RBFOX1: variants seen among roughly 807,000 people sequenced by gnomAD.
RBFOX1 encodes the protein RNA binding protein fox-1 homolog 1.
A neutral mutation model predicts 57.7 loss-of-function variants in RBFOX1; 8 were observed. The ratio of observed to expected loss-of-function variants is 0.14; its 90% CI spans 0.08 to 0.25. RBFOX1 has a LOEUF of 0.25. Ranked by LOEUF, RBFOX1 falls within the 10% of genes least tolerant of loss-of-function variation. The pLI, the probability that RBFOX1 is intolerant of heterozygous loss-of-function variation, is 1.00. For synonymous variants in RBFOX1, 326 were observed against 222.4 expected (o/e 1.47, Z -4.15); for missense variants, 611 against 548.5 (o/e 1.11, Z -1.14).
intron 2 of RBFOX1, among the ~76,000 whole-genome samples, chr16:6,649,691 T>C (rs2098563180): frequency 6.6e-6 from 1 of 152,242 alleles, no homozygotes; most frequent in Non-Finnish European, 1.5e-5. Context: ...TGAATGCCAT[T>C]ATTTCATTCA....
intron 2 of RBFOX1, among the ~76,000 whole-genome samples, chr16:6,633,409 C>G (rs964101980): frequency 1.3e-5 from 2 of 152,134 alleles, no homozygotes; most frequent in African/African-American, 4.8e-5. Context: ...TCCCAAGTAG[C>G]TGGGACTACA....
At chr16:5,364,243 A>G (rs2065640746) in intron 1 of RBFOX1, among the ~76,000 whole-genome samples, 1 of 152,204 alleles carries the variant, frequency 6.6e-6, no homozygotes, top group Non-Finnish European at 1.5e-5. Flanking sequence ...TTTAACTTGG[A>G]TGTGTGCTGG....
chr16:7,412,286 G>C (rs1190857275), intron 4 of RBFOX1, among the ~76,000 whole-genome samples: 7 of 151,732 alleles, frequency 4.6e-5, no homozygotes, highest in African/African-American at 1.7e-4. Context: ...GTGGTGGCGT[G>C]TGCCTGTAAT....
At chr16:5,494,388 A>C (rs945011411) in intron 2 of RBFOX1, among the ~76,000 whole-genome samples, 1 of 152,192 alleles carries the variant, frequency 6.6e-6, no homozygotes, top group South Asian at 2.1e-4. Flanking sequence ...GAACGAGAAC[A>C]CTAAATAAGG....
At chr16:6,570,601 ATC>A (rs1255224853) in intron 2 of RBFOX1, among the ~76,000 whole-genome samples, 3 of 152,228 alleles carry the variant, frequency 2.0e-5, no homozygotes, top group African/African-American at 7.2e-5. Flanking sequence ...GTTTATCTGT[ATC>A]TCTAGCTTTT....
At chr16:5,960,944 C>T (rs1272398174) in intron 4 of RBFOX1, among the ~76,000 whole-genome samples, 1 of 152,152 alleles carries the variant, frequency 6.6e-6, no homozygotes, top group Non-Finnish European at 1.5e-5. Flanking sequence ...TGGTCAAAGG[C>T]TCCCTCCCAA....
At chr16:7,619,367 G>T (rs1374062630) in intron 10 of RBFOX1, among the ~76,000 whole-genome samples, 1 of 152,156 alleles carries the variant, frequency 6.6e-6, no homozygotes, top group Non-Finnish European at 1.5e-5. Context: ...AGCAGGGGAA[G>T]GGGCAGTGTG....
chr16:5,424,984 T>TTTC (rs200482050), intron 1 of RBFOX1, among the ~76,000 whole-genome samples: 27,810 of 67,966 alleles, frequency 0.41, 5,991 homozygotes, highest in East Asian at 0.48. Context: ...CTTTCTTTTC[T>TTTC]TTTCTTTTCT....
intron 4 of RBFOX1, among the ~76,000 whole-genome samples, chr16:7,478,096 A>C (rs2063120900): frequency 6.6e-6 from 1 of 152,240 alleles, no homozygotes; most frequent in Admixed American, 6.5e-5. Context: ...CCCGATGATT[A>C]AGGAGTGCAG....
intron 3 of RBFOX1, among the ~76,000 whole-genome samples, chr16:6,763,634 A>G (rs2076939152): frequency 1.3e-5 from 2 of 152,072 alleles, no homozygotes; most frequent in Admixed American, 6.6e-5. Context: ...CCAATTACGT[A>G]TTTCATTCTC....
chr16:6,978,251 G>C, intron 3 of RBFOX1, among the ~76,000 whole-genome samples: 1 of 152,156 alleles, frequency 6.6e-6, no homozygotes, highest in East Asian at 1.9e-4. Context: ...GCCTTGGAGA[G>C]CGTGGCTTTG....
intron 11 of RBFOX1, among the ~76,000 whole-genome samples, chr16:7,649,496 A>G (rs1379664345): frequency 6.6e-6 from 1 of 152,134 alleles, no homozygotes; most frequent in Non-Finnish European, 1.5e-5. Context: ...CATTTTTCCT[A>G]GCCTTCACTT....
At chr16:6,962,327 T>A (rs2083198936) in intron 3 of RBFOX1, among the ~76,000 whole-genome samples, 3 of 152,128 alleles carry the variant, frequency 2.0e-5, no homozygotes, top group African/African-American at 7.2e-5. Flanking sequence ...GATCCTTAGC[T>A]TAATGACATC....
intron 2 of RBFOX1, among the ~76,000 whole-genome samples, chr16:5,550,749 T>C (rs1355364566): frequency 6.6e-6 from 1 of 152,186 alleles, no homozygotes; most frequent in Non-Finnish European, 1.5e-5. Context: ...TTTTTCTGAA[T>C]ACGGACATGA....
intron 1 of RBFOX1, among the ~76,000 whole-genome samples, chr16:6,025,621 C>T (rs546795430): frequency 2.0e-5 from 3 of 152,282 alleles, no homozygotes; most frequent in East Asian, 3.9e-4. Flanking sequence ...CTTTATTGAT[C>T]GTCTGTCCGG....
chr16:5,944,467 C>T (rs144227999), intron 4 of RBFOX1, among the ~76,000 whole-genome samples: 203 of 152,054 alleles, frequency 1.3e-3, no homozygotes, highest in Non-Finnish European at 2.5e-3. Context: ...CAGGTATGGC[C>T]GTGGCCTTTA....
intron 2 of RBFOX1, among the ~76,000 whole-genome samples, chr16:6,607,629 C>A (rs2097958945): frequency 6.6e-6 from 1 of 151,716 alleles, no homozygotes; most frequent in Non-Finnish European, 1.5e-5. Flanking sequence ...CTTCTTCCTC[C>A]TCTATCTCTC....
intron 3 of RBFOX1, among the ~76,000 whole-genome samples, chr16:5,851,895 C>T (rs540814485): frequency 1.3e-5 from 2 of 152,038 alleles, no homozygotes; most frequent in African/African-American, 4.8e-5. Context: ...TTTCTGAACC[C>T]TACAACATTG....
intron 3 of RBFOX1, among the ~76,000 whole-genome samples, chr16:6,977,213 TATTATCATATAA>T (rs1214477066): frequency 5.9e-5 from 7 of 118,736 alleles, no homozygotes; most frequent in Non-Finnish European, 1.0e-4. Context: ...TTATCATATA[TATTATCATATAA>T]TCATATATGA....
Sources: gnomAD v4.1 joint callset for allele counts (sites outside exome capture counted in the v4.1 genomes callset) on GRCh38, gnomAD v4.1.1 for gene constraint, MANE v1.5 for transcripts, NCBI Gene and HGNC (gene_info 2026-07-23, HGNC 2026-07-21) for gene names.